Variants in BCAS3 observed in about 807,000 individuals in gnomAD.
BCAS3 encodes BCAS4/BCAS3 fusion.
In BCAS3, 53 loss-of-function variants were observed where a neutral mutation model predicts 116.1. That is an observed-to-expected ratio of 0.46 (90% confidence interval 0.37 to 0.57). BCAS3 has a LOEUF of 0.57. BCAS3 is among the 20% of genes least tolerant of loss of function. BCAS3 has a pLI of 0.00. For synonymous variants in BCAS3, 391 were observed against 408.2 expected (o/e 0.96, Z 0.51); for missense variants, 917 against 1,165.4 (o/e 0.79, Z 3.10).
chr17:61,361,762 G>A lies in BCAS3; in HGVS notation c.2426-6565G>A, dbSNP rs2058463542. On this transcript the variant is annotated intron_variant, in intron 22 of 23. Coordinates refer to ENST00000407086, the MANE Select transcript of BCAS3 (RefSeq NM_017679.5). The surrounding 1 kb of genome is among the most constrained non-coding windows in gnomAD (Gnocchi z 6.5). The stretch of plus-strand genomic sequence containing the variant: ...AAGGTGAAGAACCAAGAAGGCTGGT[G>A]GTATATAACCAGGGGAGCTGATGGT... The A allele has an allele frequency of 6.6e-6, 1 of 152,184 alleles. No individual in the cohort carries two copies. The highest frequency in any genetic ancestry group is 2.4e-5 in the African/African-American group (1 of 41,440). 9.4% of individuals were successfully genotyped at this position (152,184 alleles called of 1,614,324 possible). A position where few individuals can be genotyped will look rare whatever the true frequency, so the allele number is the denominator to read the frequency against.
intron 22 of BCAS3, among the ~76,000 whole-genome samples, chr17:61,089,976 G>A (rs2073417434): frequency 6.6e-6 from 1 of 152,148 alleles, no homozygotes; most frequent in African/African-American, 2.4e-5. Flanking sequence ...GAGAGACATT[G>A]TTCAGTCTAC....
At chr17:61,331,448 G>C (rs547217889) in intron 22 of BCAS3, among the ~76,000 whole-genome samples, 1 of 152,088 alleles carries the variant, frequency 6.6e-6, no homozygotes. Flanking sequence ...TTTGGCACAG[G>C]AGGAGGTCAC....
chr17:60,726,419 C>G (rs1481871735), intron 5 of BCAS3, among the ~76,000 whole-genome samples: 1 of 151,028 alleles, frequency 6.6e-6, no homozygotes, highest in African/African-American at 2.4e-5. Flanking sequence ...AGGCTGGTCT[C>G]GAACTCCTGA....
At position 61,327,226 on chromosome 17, in the gene BCAS3, C is replaced by G. The variant is rs1359498074; in HGVS notation, c.2426-41101C>G. Among the ~76,000 whole-genome samples, 2 of 152,050 alleles carry G rather than the reference C, an allele frequency of 1.3e-5. No individual in the cohort carries two copies. Among genetic ancestry groups the G allele is most frequent in the Non-Finnish European group, 2.9e-5 (2 of 68,020 alleles). Reference sequence around the variant, plus strand: ...GCTGAGGCAGGAGATCACTTGAACTCAGGAGGTAGAGGTTGCAGTGAGCCA... The same window carrying G: ...GCTGAGGCAGGAGATCACTTGAACTGAGGAGGTAGAGGTTGCAGTGAGCCA... On this transcript the variant is annotated intron_variant, in intron 22 of 23. Coordinates refer to ENST00000407086, the MANE Select transcript of BCAS3 (RefSeq NM_017679.5). This position sits in a 1 kb window ranked among gnomAD's most constrained non-coding sequence, Gnocchi z 5.9.
chr17:61,107,404 A>G (rs1657030717), intron 22 of BCAS3, among the ~76,000 whole-genome samples: 1 of 151,924 alleles, frequency 6.6e-6, no homozygotes, highest in Non-Finnish European at 1.5e-5. Context: ...TCATTTTATC[A>G]TGTGCACAGA....
At position 61,376,905 on chromosome 17, in the gene BCAS3, T is replaced by C. The variant is rs2059365807; in HGVS notation, c.2593+8411T>C. ...CCTCATCAGTGGCCCAACGTGTTCTTTCTGTGGTTGGGGCAGGCAGGGTCT... is the reference window on the plus strand; with the variant it reads ...CCTCATCAGTGGCCCAACGTGTTCTCTCTGTGGTTGGGGCAGGCAGGGTCT... On this transcript the variant is annotated intron_variant, in intron 23 of 23. Transcript: ENST00000407086. This position sits in a 1 kb window ranked among gnomAD's most constrained non-coding sequence, Gnocchi z 4.5. 6.6e-6 allele frequency among the ~76,000 whole-genome samples: 1 copy of C among 152,230 alleles called. No homozygotes were observed. The highest frequency in any genetic ancestry group is 6.5e-5 in the Admixed American group (1 of 15,288).
intron 15 of BCAS3, among the ~76,000 whole-genome samples, chr17:61,015,038 T>C (rs1485568919): frequency 2.0e-5 from 3 of 152,164 alleles, no homozygotes; most frequent in South Asian, 2.1e-4. Flanking sequence ...AAAGGTATAT[T>C]ATTGTTAAAA....
rs2081570863 is a variant in BCAS3 at position 61,213,164 on chromosome 17, TG to T, written c.2425+128601del. Among the ~76,000 whole-genome samples the T allele has an allele frequency of 6.6e-6, 1 of 152,084 alleles. No homozygotes were observed. Among genetic ancestry groups the T allele is most frequent in the South Asian group, 2.1e-4 (1 of 4,824 alleles). ...TGTTATATATATATTTTTGTTTGTTTGTTTGTTTTTTGTTTTTTGTTTTGAG... is the reference window on the plus strand; with the variant it reads ...TGTTATATATATATTTTTGTTTGTTTTTTGTTTTTTGTTTTTTGTTTTGAG... On this transcript the variant is annotated intron_variant, in intron 22 of 23. Transcript: ENST00000407086. This position sits in a 1 kb window ranked among gnomAD's most constrained non-coding sequence, Gnocchi z 5.4.
At chr17:60,884,839 T>A (rs1364924723) in intron 9 of BCAS3, among the ~76,000 whole-genome samples, 1 of 138,734 alleles carries the variant, frequency 7.2e-6, no homozygotes, top group Non-Finnish European at 1.6e-5. Flanking sequence ...TCTTTTACAT[T>A]TGCTGAGGAG....
Position 61,302,820 on chromosome 17 carries a change from A to T in BCAS3, c.2426-65507A>T, listed in dbSNP as rs1029984958. The stretch of plus-strand genomic sequence containing the variant: ...TCAGACTTTGTAGAGAAAGGCAGTG[A>T]GACGGAACAGTTCTGGCCATAGGGA... On this transcript the variant is annotated intron_variant, in intron 22 of 23. Transcript: ENST00000407086. The surrounding 1 kb of genome is among the most constrained non-coding windows in gnomAD (Gnocchi z 4.4). 6.6e-6 allele frequency among the ~76,000 whole-genome samples: 1 copy of T among 152,230 alleles called. No homozygotes were observed. Among genetic ancestry groups the T allele is most frequent in the Admixed American group, 6.5e-5 (1 of 15,284 alleles).
At chr17:60,919,423 T>G (rs1332274500) in intron 12 of BCAS3, among the ~76,000 whole-genome samples, 1 of 152,124 alleles carries the variant, frequency 6.6e-6, no homozygotes, top group Non-Finnish European at 1.5e-5. Context: ...CCTCCCAGGT[T>G]TAAGTGATTC....
chr17:61,126,410 CTA>C lies in BCAS3; in HGVS notation c.2425+41848_2425+41849del, dbSNP rs1222264406. Among the ~76,000 whole-genome samples the C allele has an allele frequency of 3.9e-5, 6 of 152,120 alleles. 1 individual carries two copies. The highest frequency in any genetic ancestry group is 8.8e-5 in the Non-Finnish European group (6 of 68,002). On this transcript the variant is annotated intron_variant, in intron 22 of 23. Coordinates refer to ENST00000407086, the MANE Select transcript of BCAS3 (RefSeq NM_017679.5). The surrounding 1 kb of genome is among the most constrained non-coding windows in gnomAD (Gnocchi z 4.6). The stretch of plus-strand genomic sequence containing the variant: ...CATGTTATCGCACGTGAACCACTGC[CTA>C]TGTTAAATAGGTTTTTCTTTCCTTT...
At chr17:60,711,968 C>G (rs2037978008) in intron 5 of BCAS3, among the ~76,000 whole-genome samples, 1 of 151,898 alleles carries the variant, frequency 6.6e-6, no homozygotes, top group Non-Finnish European at 1.5e-5. Flanking sequence ...TCGAGACCAG[C>G]CTGACCAACA....
rs1472479868 is a variant in BCAS3 at position 61,040,863 on chromosome 17, T to C, written c.2000T>C (p.Val667Ala). Residue 667 changes from valine (V) to alanine (A), a missense_variant, in exon 19 of 24, where the codon GTA (valine) becomes GCA (alanine). Transcript: ENST00000407086. The stretch of plus-strand genomic sequence containing the variant: ...CCTCTGCTCCTCGCTGCAGATGCAG[T>C]ACAGTATTATCAGTTCCTGCTTGCT... ...NHPLLLAADA[V>A]QYYQFLLAGL... The C allele has an allele frequency of 6.2e-7, 1 of 1,613,944 alleles. No individual in the cohort carries two copies. The highest frequency in any genetic ancestry group is 8.5e-7 in the Non-Finnish European group (1 of 1,179,956).
intron 13 of BCAS3, among the ~76,000 whole-genome samples, chr17:60,935,918 A>G (rs566931693): frequency 6.6e-6 from 1 of 151,690 alleles, no homozygotes; most frequent in South Asian, 2.1e-4. Flanking sequence ...CAGGTTATTT[A>G]CATATGTATA....
intron 22 of BCAS3, among the ~76,000 whole-genome samples, chr17:61,240,225 G>A (rs185993623): frequency 1.2e-3 from 187 of 152,252 alleles, no homozygotes; most frequent in Admixed American, 3.6e-3. Flanking sequence ...CCATCCTGGC[G>A]GGTAGAATAG....
rs994548055 is a variant in BCAS3 at position 61,235,984 on chromosome 17, T to C, written c.2426-132343T>C. On this transcript the variant is annotated intron_variant, in intron 22 of 23. Transcript: ENST00000407086. This position sits in a 1 kb window ranked among gnomAD's most constrained non-coding sequence, Gnocchi z 5.0. ...CAAACAAGAATTTGGACTGCAGCAGTCGGACCAGTTAAATTATAGTTAGTA... is the reference window on the plus strand; with the variant it reads ...CAAACAAGAATTTGGACTGCAGCAGCCGGACCAGTTAAATTATAGTTAGTA... Among the ~76,000 whole-genome samples the C allele has an allele frequency of 6.6e-6, 1 of 152,226 alleles. No homozygotes were observed. The highest frequency in any genetic ancestry group is 2.4e-5 in the African/African-American group (1 of 41,468).
rs1450669591 is a variant in BCAS3, at chr17:61,313,056, A to G, written c.2426-55271A>G. Among the ~76,000 whole-genome samples the G allele has an allele frequency of 6.6e-6, 1 of 152,230 alleles. No individual in the cohort carries two copies. The highest frequency in any genetic ancestry group is 2.4e-5 in the African/African-American group (1 of 41,462). ...CATCTTTCACCTCGTTGATCGCCTC[A>G]AAATCCCGTGAGGTTTTTAATCACT... On this transcript the variant is annotated intron_variant, in intron 22 of 23. Transcript: ENST00000407086. This position sits in a 1 kb window ranked among gnomAD's most constrained non-coding sequence, Gnocchi z 4.3.
chr17:61,200,712 G>GC lies in BCAS3; in HGVS notation c.2425+116150dup, dbSNP rs1489675240. On this transcript the variant is annotated intron_variant, in intron 22 of 23. Transcript: ENST00000407086. This position sits in a 1 kb window ranked among gnomAD's most constrained non-coding sequence, Gnocchi z 5.1. ...TTACTATTATCTTGCTTCTGTTTCA[G>GC]CCAAAATTTGGATTTTGTTTCTTTG... Among the ~76,000 whole-genome samples the GC allele has an allele frequency of 6.6e-6, 1 of 152,180 alleles. No homozygotes were observed. Among genetic ancestry groups the GC allele is most frequent in the Non-Finnish European group, 1.5e-5 (1 of 68,032 alleles).
Sources: allele counts gnomAD v4.1 joint callset (sites outside exome capture counted in the v4.1 genomes callset), GRCh38; gene constraint gnomAD v4.1.1; non-coding constraint Gnocchi (gnomAD v3.1); transcripts MANE v1.5; gene names NCBI Gene and HGNC (gene_info 2026-07-23, HGNC 2026-07-21).